Variants in SNX8 observed in about 807,000 individuals in gnomAD.
SNX8 encodes sorting nexin 8, also known as sorting nexin-8.
A neutral mutation model predicts 51.6 loss-of-function variants in SNX8; 25 were observed. The ratio of observed to expected loss-of-function variants is 0.48; its 90% CI spans 0.35 to 0.68. SNX8 has a LOEUF of 0.68. SNX8 is among the 30% of genes least tolerant of loss of function. The pLI is 0.00. For synonymous variants in SNX8, 324 were observed against 277.0 expected (o/e 1.17, Z -1.68); for missense variants, 695 against 624.0 (o/e 1.11, Z -1.21).
Position 2,254,938 on chromosome 7 carries a change from C to T in SNX8, c.*118G>A. Reference sequence around the variant, plus strand: ...GCAGGCGTGAGCTCCTCTGCTCCAGCTGCAGCACGGGGCGTGGCGGGGAGG... The same window carrying T: ...GCAGGCGTGAGCTCCTCTGCTCCAGTTGCAGCACGGGGCGTGGCGGGGAGG... On this transcript the variant is annotated 3_prime_UTR_variant, in exon 11 of 11. Coordinates refer to ENST00000222990, the MANE Select transcript of SNX8 (RefSeq NM_013321.4). 1 of 751,880 alleles carries T rather than the reference C, an allele frequency of 1.3e-6. No homozygotes were observed. The highest frequency in any genetic ancestry group is 2.5e-4 in the Middle Eastern group (1 of 3,922). The allele number at this position is 751,880 out of a possible 1,614,324, so 46.6% of individuals were successfully genotyped here.
intron 1 of SNX8, among the ~76,000 whole-genome samples, chr7:2,286,165 C>G (rs1221108383): frequency 6.6e-6 from 1 of 151,888 alleles, no homozygotes; most frequent in Non-Finnish European, 1.5e-5. Context: ...GCACACACCA[C>G]CACACCTGAC....
intron 3 of SNX8, among the ~76,000 whole-genome samples, chr7:2,273,584 T>TCAAAAA (rs1178218626): frequency 3.6e-5 from 5 of 137,932 alleles, no homozygotes; most frequent in East Asian, 2.2e-4. Flanking sequence ...AGTCTTCGTC[T>TCAAAAA]CAAAAACAAA....
At chr7:2,299,779 A>G (rs1279360327) in intron 1 of SNX8, among the ~76,000 whole-genome samples, 1 of 152,048 alleles carries the variant, frequency 6.6e-6, no homozygotes, top group Non-Finnish European at 1.5e-5. Context: ...AGATTCCAAA[A>G]TATCTGACGG....
chr7:2,307,001 T>G (rs984598124), intron 1 of SNX8, among the ~76,000 whole-genome samples: 1 of 152,098 alleles, frequency 6.6e-6, no homozygotes, highest in African/African-American at 2.4e-5. Context: ...GTAATTTCAC[T>G]TCAGATTTCC....
chr7:2,334,982 C>T (rs1778800366), intron 1 of SNX8, among the ~76,000 whole-genome samples: 1 of 151,048 alleles, frequency 6.6e-6, no homozygotes, highest in Non-Finnish European at 1.5e-5. Flanking sequence ...GATGACCTGA[C>T]GTCAGGAGTT....
At chr7:2,265,011 G>T (rs563222566) in intron 5 of SNX8, among the ~76,000 whole-genome samples, 1 of 152,112 alleles carries the variant, frequency 6.6e-6, no homozygotes, top group South Asian at 2.1e-4. Context: ...CTCCAGTTTG[G>T]GCGACAGAAC....
chr7:2,267,844 C>T (rs1795510381), intron 5 of SNX8, among the ~76,000 whole-genome samples: 1 of 120,896 alleles, frequency 8.3e-6, no homozygotes, highest in Non-Finnish European at 1.7e-5. Flanking sequence ...TCCGCCCGGC[C>T]GCCATCCCAT....
At position 2,325,548 on chromosome 7, in the gene SNX8, C is replaced by G. The variant is rs530736168; in HGVS notation, c.-66+28674G>C. Among the ~76,000 whole-genome samples, 40 of 152,148 alleles carry G rather than the reference C, an allele frequency of 2.6e-4. 1 individual carries two copies. In the South Asian group the frequency reaches 8.1e-3, roughly 31 times the overall value. ...TCAGAATGTAATGAGGAATATCAGG[C>G]CAGGTGGGGTGGCTCATGCCTGTAA... On this transcript the variant is annotated intron_variant, in intron 1 of 5. Transcript: ENST00000435336.
chr7:2,334,668 C>T (rs1023451033), intron 1 of SNX8, among the ~76,000 whole-genome samples: 8 of 151,892 alleles, frequency 5.3e-5, no homozygotes, highest in Non-Finnish European at 1.2e-4. Context: ...CCACTGCACT[C>T]CAGCCTGGGT....
At chr7:2,310,514 T>C (rs1389169308) in intron 1 of SNX8, among the ~76,000 whole-genome samples, 1 of 152,062 alleles carries the variant, frequency 6.6e-6, no homozygotes, top group African/African-American at 2.4e-5. Flanking sequence ...ACCCCTGTAA[T>C]CTCAGCACTT....
At chr7:2,322,734 A>G (rs12670248) in intron 1 of SNX8, among the ~76,000 whole-genome samples, 59,518 of 150,972 alleles carry the variant, frequency 0.39, 13,718 homozygotes, top group African/African-American at 0.65. Flanking sequence ...TAAATGCTGT[A>G]GGCCAGGTGC....
chr7:2,350,594 A>G (rs1005278473), intron 1 of SNX8, among the ~76,000 whole-genome samples: 6 of 152,300 alleles, frequency 3.9e-5, no homozygotes, highest in Middle Eastern at 3.4e-3. Context: ...GCTCTAAGCC[A>G]GGAGTTCAAG....
intron 1 of SNX8, chr7:2,337,176 CCGGTGTGA>C (rs1403584581): frequency 6.6e-6 from 1 of 152,006 alleles, no homozygotes; most frequent in Non-Finnish European, 1.5e-5. Context: ...GCATTCCAGC[CCGGTGTGA>C]CGGGTCATGC....
chr7:2,296,970 T>A lies in SNX8; in HGVS notation c.94+17358A>T, dbSNP rs762801058. Among the ~76,000 whole-genome samples, 4 of 151,774 alleles carry A rather than the reference T, an allele frequency of 2.6e-5. 1 individual carries two copies. The highest frequency in any genetic ancestry group is 9.7e-5 in the African/African-American group (4 of 41,210). ...TATATACAAATGGCCAAAAAATATA[T>A]GCAAAATGCTCAAAATCACTAATCC... On this transcript the variant is annotated intron_variant, in intron 1 of 10. Coordinates refer to ENST00000222990, the MANE Select transcript of SNX8 (RefSeq NM_013321.4).
At chr7:2,266,149 G>C (rs1360475905) in intron 5 of SNX8, among the ~76,000 whole-genome samples, 1 of 152,118 alleles carries the variant, frequency 6.6e-6, no homozygotes, top group Non-Finnish European at 1.5e-5. Context: ...TTTAATTTTT[G>C]TATGAAGAAG....
chr7:2,286,522 A>ATTT (rs767398836), intron 1 of SNX8, among the ~76,000 whole-genome samples: 1 of 71,986 alleles, frequency 1.4e-5, no homozygotes. Context: ...CTATTTTATA[A>ATTT]TTTTTTTTTT....
At chr7:2,303,954 AAAT>A (rs757490129) in intron 1 of SNX8, among the ~76,000 whole-genome samples, 35 of 151,644 alleles carry the variant, frequency 2.3e-4, no homozygotes, top group Admixed American at 5.3e-4. Context: ...TCAATTAAAA[AAAT>A]AATAATAATA....
Position 2,253,761 on chromosome 7 carries a change from T to G in SNX8, c.*1295A>C, listed in dbSNP as rs1795102405. 1 of 152,122 alleles carries G rather than the reference T, an allele frequency of 6.6e-6. No homozygotes were observed. The highest frequency in any genetic ancestry group is 6.5e-5 in the Admixed American group (1 of 15,278). The allele number at this position is 152,122 out of a possible 1,614,324, so 9.4% of individuals were successfully genotyped here. A position where few individuals can be genotyped will look rare whatever the true frequency, so the allele number is the denominator to read the frequency against. ...CTGCGGGGCACACACAGGAGTCCCC[T>G]CTCCATCCCACGGCCGTGAGCTGCC... On this transcript the variant is annotated 3_prime_UTR_variant, in exon 11 of 11. Coordinates refer to ENST00000222990, the MANE Select transcript of SNX8 (RefSeq NM_013321.4).
chr7:2,288,953 T>G (rs1340757233), intron 1 of SNX8, among the ~76,000 whole-genome samples: 1 of 152,126 alleles, frequency 6.6e-6, no homozygotes, highest in Non-Finnish European at 1.5e-5. Context: ...CTCAGGCTGG[T>G]CTCCAACTCC....
Sources: allele counts gnomAD v4.1 joint callset (sites outside exome capture counted in the v4.1 genomes callset), GRCh38; gene constraint gnomAD v4.1.1; transcripts MANE v1.5; gene names NCBI Gene and HGNC (gene_info 2026-07-23, HGNC 2026-07-21).